Variants in PLEKHH1 observed in about 807,000 individuals in gnomAD.
The protein encoded by PLEKHH1 is pleckstrin homology domain-containing family H member 1.
Under a neutral mutation model 160.0 loss-of-function variants are expected in PLEKHH1, and 104 were observed. The observed-to-expected ratio is 0.65, with a 90% confidence interval of 0.55 to 0.76. PLEKHH1 has a LOEUF of 0.76. Ranked by LOEUF, PLEKHH1 falls within the 30% of genes least tolerant of loss-of-function variation. PLEKHH1 has a pLI of 0.00. For synonymous variants in PLEKHH1, 619 were observed against 678.4 expected (o/e 0.91, Z 1.36); for missense variants, 1,427 against 1,724.1 (o/e 0.83, Z 3.05).
At chr14:67,533,475 G>C (rs1045007481) in intron 1 of PLEKHH1, 77 bp downstream of exon 1, 4 of 152,010 alleles carry the variant, frequency 2.6e-5, no homozygotes, top group Non-Finnish European at 2.9e-5. Context: ...GCGCGCGGGG[G>C]ACGGCCCCTC....
intron 1 of PLEKHH1, among the ~76,000 whole-genome samples, chr14:67,537,552 C>T (rs887629696): frequency 4.0e-5 from 6 of 148,542 alleles, no homozygotes; most frequent in African/African-American, 1.6e-4. Flanking sequence ...GTAGTCCCAG[C>T]TGCTTGGGAG....
intron 28 of PLEKHH1, chr14:67,586,661 C>T (rs771471565): frequency 4.3e-5 from 20 of 469,800 alleles, no homozygotes; most frequent in Non-Finnish European, 6.8e-5. Context: ...TTGTTCCTGA[C>T]TCCCGTGTGA....
At chr14:67,538,730 T>A (rs2033844849) in intron 1 of PLEKHH1, among the ~76,000 whole-genome samples, 1 of 152,116 alleles carries the variant, frequency 6.6e-6, no homozygotes, top group Non-Finnish European at 1.5e-5. Context: ...CCCAACCTCC[T>A]CAGCAACTTG....
intron 2 of PLEKHH1, among the ~76,000 whole-genome samples, chr14:67,549,796 C>T (rs911718898): frequency 6.6e-6 from 1 of 152,224 alleles, no homozygotes; most frequent in African/African-American, 2.4e-5. Context: ...TGGACCACCA[C>T]CTTCATCCAC....
At chr14:67,557,637 G>A (rs1409492852) in intron 4 of PLEKHH1, among the ~76,000 whole-genome samples, 6 of 152,230 alleles carry the variant, frequency 3.9e-5, no homozygotes, top group Non-Finnish European at 5.9e-5. Flanking sequence ...AAGGAGCTTG[G>A]AGGCAGACTG....
Position 67,573,969 on chromosome 14 carries a change from GC to G in PLEKHH1, c.1926+84del. 1 of 984,054 alleles carries G rather than the reference GC, an allele frequency of 1.0e-6. No individual in the cohort carries two copies. The highest frequency in any genetic ancestry group is 1.6e-6 in the Non-Finnish European group (1 of 612,682). 61.0% of individuals were successfully genotyped at this position (984,054 alleles called of 1,614,324 possible). A position where few individuals can be genotyped will look rare whatever the true frequency, so the allele number is the denominator to read the frequency against. Reference sequence around the variant, plus strand: ...TGGCCGTGAGTGAGACAAAGATGGGGCCAAATGAGCATGAATGAAAGACTTC... The same window carrying G: ...TGGCCGTGAGTGAGACAAAGATGGGGCAAATGAGCATGAATGAAAGACTTC... On this transcript the variant is annotated intron_variant, in intron 13 of 28. Transcript: ENST00000329153. This position sits in a 1 kb window ranked among gnomAD's most constrained non-coding sequence, Gnocchi z 4.8.
At chr14:67,577,848 C>A (rs2035695986) in intron 18 of PLEKHH1, among the ~76,000 whole-genome samples, 175 bp from the exon 19 acceptor site, 2 of 152,108 alleles carry the variant, frequency 1.3e-5, no homozygotes, top group Non-Finnish European at 2.9e-5. Context: ...CCCAAAGTAG[C>A]CCATAGCCCC....
chr14:67,548,409 A>C (rs2034262971), intron 2 of PLEKHH1, among the ~76,000 whole-genome samples: 1 of 152,202 alleles, frequency 6.6e-6, no homozygotes, highest in African/African-American at 2.4e-5. Flanking sequence ...TAATAAAAGA[A>C]GAAATAGGCC....
chr14:67,589,517 AG>A lies in PLEKHH1; in HGVS notation c.*2283del. On this transcript the variant is annotated 3_prime_UTR_variant, in exon 29 of 29. Transcript: ENST00000329153. ...ATGATCTTGTTTGTCAATAAAAAGC[AG>A]CTATCTGTGAACCAGGTAACTGTGT... The A allele has an allele frequency of 1.0e-6, 1 of 985,302 alleles. No individual in the cohort carries two copies. Among genetic ancestry groups the A allele is most frequent in the Non-Finnish European group, 1.2e-6 (1 of 829,798 alleles). 61.0% of individuals were successfully genotyped at this position (985,302 alleles called of 1,614,324 possible).
At chr14:67,575,706 A>G in intron 15 of PLEKHH1, 117 bp from the exon 16 acceptor site, 1 of 806,630 alleles carries the variant, frequency 1.2e-6, no homozygotes, top group South Asian at 1.7e-5. Context: ...CCACCTCCCC[A>G]TCCTGTCATC....
chr14:67,586,229 A>G (rs1197688069), intron 28 of PLEKHH1, 132 bp downstream of exon 28: 1 of 1,184,340 alleles, frequency 8.4e-7, no homozygotes, highest in Non-Finnish European at 1.2e-6. Context: ...CTTGTCTGTA[A>G]TTAGTATTCC....
Position 67,561,972 on chromosome 14 carries a change from C to T in PLEKHH1, c.442C>T (p.His148Tyr), listed in dbSNP as rs775963594. ...TGCTCAGCTTGAGATGGAGAATCAG[C>T]ATCTGAAAAGCCATAATCAGCGCCT... ...KLAKLEMENQ[H>Y]LKSHNQRLVE... Residue 148 changes from histidine to tyrosine, a missense_variant, in exon 6 of 29, where the codon CAT becomes TAT. Coordinates refer to ENST00000329153, the MANE Select transcript of PLEKHH1 (RefSeq NM_020715.3). 1 of 1,613,316 alleles carries T rather than the reference C, an allele frequency of 6.2e-7. No individual in the cohort carries two copies.
chr14:67,544,618 C>T (rs550860013), intron 2 of PLEKHH1, among the ~76,000 whole-genome samples: 31 of 152,146 alleles, frequency 2.0e-4, no homozygotes, highest in African/African-American at 5.1e-4. Context: ...GTTTTGAAGA[C>T]GTAACAAAGA....
chr14:67,575,537 TA>T (rs1456058888), intron 15 of PLEKHH1, 65 bp downstream of exon 15: 1 of 1,039,188 alleles, frequency 9.6e-7, no homozygotes, highest in Admixed American at 2.0e-5. Flanking sequence ...ACTGCCACTC[TA>T]TGTCCTGATG....
At chr14:67,556,009 A>G in intron 3 of PLEKHH1, 122 bp downstream of exon 3, 1 of 1,271,300 alleles carries the variant, frequency 7.9e-7, no homozygotes, top group Non-Finnish European at 1.1e-6. Context: ...ACCTGAACAA[A>G]TGAGTGTGCG....
At chr14:67,572,030 C>T (rs1272024041) in intron 10 of PLEKHH1, 105 bp from the exon 11 acceptor site, 43 of 1,483,120 alleles carry the variant, frequency 2.9e-5, no homozygotes, top group Admixed American at 4.1e-5. Flanking sequence ...CACCCCCAGC[C>T]CCAGAGACCG....
At chr14:67,583,175 A>G (rs1404866228) in intron 24 of PLEKHH1, among the ~76,000 whole-genome samples, 5 of 152,230 alleles carry the variant, frequency 3.3e-5, no homozygotes, top group African/African-American at 1.2e-4. Flanking sequence ...AAGAGGAAAC[A>G]GTAATAGTTG....
chr14:67,579,683 G>A, intron 21 of PLEKHH1, 38 bp from the exon 22 acceptor site: 2 of 1,601,322 alleles, frequency 1.2e-6, no homozygotes, highest in Non-Finnish European at 8.5e-7. Flanking sequence ...CTCCTCTCAG[G>A]AGGTTCACTC....
intron 7 of PLEKHH1, among the ~76,000 whole-genome samples, chr14:67,567,844 G>A (rs1016896993): frequency 4.1e-5 from 6 of 146,302 alleles, no homozygotes; most frequent in African/African-American, 1.1e-4. Flanking sequence ...ACCTTCCCTC[G>A]TCAGCCTTGG....
Sources: gnomAD v4.1 joint callset for allele counts (sites outside exome capture counted in the v4.1 genomes callset) on GRCh38, gnomAD v4.1.1 for gene constraint, Gnocchi (gnomAD v3.1) non-coding constraint, MANE v1.5 for transcripts, NCBI Gene and HGNC (gene_info 2026-07-23, HGNC 2026-07-21) for gene names.